The following TRPM3 variants were observed in gnomAD, a reference collection of about 807,000 sequenced individuals.
The protein encoded by TRPM3 is long transient receptor potential channel 3.
Under a neutral mutation model 181.2 loss-of-function variants are expected in TRPM3, and 77 were observed. The ratio of observed to expected loss-of-function variants is 0.42; its 90% confidence interval spans 0.35 to 0.51. The LOEUF is 0.51. Among genes scored for constraint, TRPM3 ranks in the 20% least tolerant of loss-of-function variants. The probability of loss-of-function intolerance (pLI) is 0.01; values close to 1 mark genes in which losing one functional copy is unlikely to be tolerated. For missense variants in TRPM3, 1,759 were observed against 2,196.7 expected, an observed-to-expected ratio of 0.80 and a Z score of 3.98; for synonymous variants, 745 against 796.4, an observed-to-expected ratio of 0.94 and a Z score of 1.09.
chr9:71,359,374 G>A (rs1405109260), intron 1 of TRPM3, among the ~76,000 whole-genome samples: 1 of 152,184 alleles, frequency 6.6e-6, no homozygotes. Context: ...CATGAAGAAA[G>A]GGAATTTTAA....
chr9:71,010,839 C>T (rs1237809666), intron 1 of TRPM3, among the ~76,000 whole-genome samples: 1 of 151,892 alleles, frequency 6.6e-6, no homozygotes, highest in East Asian at 1.9e-4. Context: ...ATGTTTATTG[C>T]AGCACTATTT....
chr9:71,106,848 A>T (rs1261996734), intron 1 of TRPM3, among the ~76,000 whole-genome samples: 2 of 152,192 alleles, frequency 1.3e-5, no homozygotes, highest in Non-Finnish European at 2.9e-5. Flanking sequence ...TTGGATATGG[A>T]AAATGAGTTT....
At chr9:71,388,438 C>T (rs553295353) in intron 1 of TRPM3, among the ~76,000 whole-genome samples, 4 of 152,134 alleles carry the variant, frequency 2.6e-5, no homozygotes, top group South Asian at 2.1e-4. Context: ...ACTTCTGAGA[C>T]GGAGCCTTAG....
intron 9 of TRPM3, among the ~76,000 whole-genome samples, chr9:70,680,696 C>T (rs1466607053): frequency 6.6e-6 from 1 of 152,218 alleles, no homozygotes; most frequent in African/African-American, 2.4e-5. Flanking sequence ...CCACATTCAA[C>T]AAGTCTGTGG....
intron 1 of TRPM3, among the ~76,000 whole-genome samples, chr9:71,364,271 T>A (rs766228216): frequency 7.9e-5 from 12 of 152,138 alleles, no homozygotes; most frequent in Non-Finnish European, 1.5e-4. Flanking sequence ...TTAGGATACA[T>A]CAGTTCTAAA....
chr9:70,973,097 A>T (rs546352063), intron 1 of TRPM3, among the ~76,000 whole-genome samples: 1 of 152,314 alleles, frequency 6.6e-6, no homozygotes, highest in East Asian at 1.9e-4. Flanking sequence ...CACAGATAGG[A>T]GGCAGGCCCT....
intron 1 of TRPM3, among the ~76,000 whole-genome samples, chr9:70,957,312 T>C (rs1384821357): frequency 2.0e-5 from 3 of 152,148 alleles, no homozygotes; most frequent in African/African-American, 7.2e-5. Flanking sequence ...TTGTGTACAA[T>C]TGCAACAACA....
At chr9:71,277,028 T>C (rs1016828865) in intron 1 of TRPM3, among the ~76,000 whole-genome samples, 3 of 152,174 alleles carry the variant, frequency 2.0e-5, no homozygotes, top group African/African-American at 7.2e-5. Context: ...TAATGATAAA[T>C]GATATAATCA....
At chr9:70,791,430 G>T (rs1739767582) in intron 6 of TRPM3, among the ~76,000 whole-genome samples, 1 of 152,178 alleles carries the variant, frequency 6.6e-6, no homozygotes, top group Admixed American at 6.5e-5. Context: ...AACTTCCCAA[G>T]GCATATGTTT....
chr9:70,648,748 A>G (rs1006209325), intron 9 of TRPM3, among the ~76,000 whole-genome samples: 1 of 152,118 alleles, frequency 6.6e-6, no homozygotes. Context: ...TAGGGCAAGG[A>G]CTCTCTATTC....
In TRPM3 at chr9:71,369,379, T is replaced by G. The variant is rs78666350; in HGVS notation, c.183+77274A>C. Among the ~76,000 whole-genome samples the G allele has an allele frequency of 8.7e-4, 132 of 152,230 alleles. 1 individual carries two copies. The East Asian group carries it at 0.025, about 29-fold the overall frequency. On this transcript the variant is annotated intron_variant, in intron 1 of 24. Coordinates refer to the TRPM3 transcript ENST00000357533. ...ATGACAATGCACTTGAAAATATAAA[T>G]AAAACGAACATGTTTCTAAAGAATC...
intron 1 of TRPM3, among the ~76,000 whole-genome samples, chr9:71,061,590 G>C (rs764497765): frequency 5.9e-5 from 9 of 152,086 alleles, no homozygotes; most frequent in Non-Finnish European, 1.3e-4. Flanking sequence ...GTATGTACTA[G>C]GTGGAGAGTG....
chr9:71,069,398 C>T (rs935238473), intron 1 of TRPM3, among the ~76,000 whole-genome samples: 1 of 152,136 alleles, frequency 6.6e-6, no homozygotes, highest in Non-Finnish European at 1.5e-5. Flanking sequence ...AGGGTGGTCT[C>T]AATCTCTGGA....
At chr9:70,551,654 A>T (rs2046479960) in intron 24 of TRPM3, among the ~76,000 whole-genome samples, 1 of 152,130 alleles carries the variant, frequency 6.6e-6, no homozygotes, top group South Asian at 2.1e-4. Flanking sequence ...CTCATGCTGT[A>T]TTGTAAATTA....
chr9:70,990,353 G>A (rs2097466440), intron 1 of TRPM3, among the ~76,000 whole-genome samples: 1 of 152,158 alleles, frequency 6.6e-6, no homozygotes, highest in Non-Finnish European at 1.5e-5. Context: ...GTTATTGGCA[G>A]TAAAAATGAA....
At chr9:71,202,233 G>C (rs2078847711) in intron 1 of TRPM3, among the ~76,000 whole-genome samples, 1 of 152,176 alleles carries the variant, frequency 6.6e-6, no homozygotes, top group African/African-American at 2.4e-5. Flanking sequence ...GTGTCAGTCT[G>C]CCCCTACCGG....
At chr9:70,923,205 C>A (rs1013434624) in intron 1 of TRPM3, among the ~76,000 whole-genome samples, 1 of 152,242 alleles carries the variant, frequency 6.6e-6, no homozygotes, top group Non-Finnish European at 1.5e-5. Flanking sequence ...AAGCAAATGT[C>A]GCTTAAAATA....
intron 1 of TRPM3, among the ~76,000 whole-genome samples, chr9:71,114,340 G>A (rs997677689): frequency 2.6e-5 from 4 of 152,068 alleles, no homozygotes; most frequent in African/African-American, 7.2e-5. Context: ...TAAAAATTAA[G>A]TGTGCCCTTC....
intron 1 of TRPM3, among the ~76,000 whole-genome samples, chr9:70,890,422 T>C (rs566582280): frequency 6.6e-6 from 1 of 151,878 alleles, no homozygotes; most frequent in East Asian, 1.9e-4. Flanking sequence ...AAAATTGATA[T>C]AAGAAAAACT....
Sources: allele counts gnomAD v4.1 joint callset (sites outside exome capture counted in the v4.1 genomes callset), GRCh38; gene constraint gnomAD v4.1.1; transcripts MANE v1.5; gene names NCBI Gene and HGNC (gene_info 2026-07-23, HGNC 2026-07-21).